Variants in B4GALT6 observed in about 807,000 individuals in gnomAD.
The protein encoded by B4GALT6 is beta-1,4-galactosyltransferase 6, also known as UDP-Gal:beta-GlcNAc beta-1,4-galactosyltransferase 6.
A neutral mutation model predicts 46.3 loss-of-function variants in B4GALT6; 14 were observed. The ratio of observed to expected loss-of-function variants is 0.30; its 90% CI spans 0.20 to 0.47. B4GALT6 has a LOEUF of 0.47. Ranked by LOEUF, B4GALT6 falls within the 20% of genes least tolerant of loss-of-function variation. B4GALT6 has a pLI of 0.99. For missense variants in B4GALT6, 386 were observed against 480.1 expected, an observed-to-expected ratio of 0.80 and a Z score of 1.83; for synonymous variants, 168 against 162.0, an observed-to-expected ratio of 1.04 and a Z score of -0.28.
intron 8 of B4GALT6, 129 bp from the exon 9 acceptor site, chr18:31,625,890 C>A: frequency 1.3e-6 from 1 of 745,850 alleles, no homozygotes; most frequent in Non-Finnish European, 2.0e-6. Flanking sequence ...GGTTCTTGTG[C>A]ATAATTTAAG....
At chr18:31,683,343 G>C (rs1373023941) in intron 1 of B4GALT6, among the ~76,000 whole-genome samples, 3 of 152,126 alleles carry the variant, frequency 2.0e-5, no homozygotes, top group African/African-American at 7.2e-5. Flanking sequence ...TGGCTCAAAC[G>C]ACCACAGTGT....
intron 2 of B4GALT6, 22 bp from the exon 3 acceptor site, chr18:31,658,111 T>C: frequency 7.2e-7 from 1 of 1,389,356 alleles, no homozygotes; most frequent in Non-Finnish European, 9.6e-7. Flanking sequence ...AGAAAAGAGT[T>C]ACAAAAAAAA....
chr18:31,687,534 C>A (rs907942213), upstream of B4GALT6, among the ~76,000 whole-genome samples: 1 of 152,190 alleles, frequency 6.6e-6, no homozygotes, highest in Non-Finnish European at 1.5e-5. Flanking sequence ...GATATTTCCT[C>A]AGGAGCCAAG....
chr18:31,676,678 A>G (rs1230441542), intron 1 of B4GALT6, among the ~76,000 whole-genome samples: 2 of 152,218 alleles, frequency 1.3e-5, no homozygotes, highest in Non-Finnish European at 2.9e-5. Context: ...AAGTAAGATT[A>G]GTTCTATGAA....
intron 6 of B4GALT6, among the ~76,000 whole-genome samples, chr18:31,630,376 T>G: frequency 6.6e-6 from 1 of 152,046 alleles, no homozygotes; most frequent in East Asian, 1.9e-4. Context: ...TGATAACTGT[T>G]CATTTTAAAT....
intron 5 of B4GALT6, among the ~76,000 whole-genome samples, chr18:31,637,512 G>GA (rs11421320): frequency 0.52 from 78,201 of 151,462 alleles, 20,405 homozygotes; most frequent in Middle Eastern, 0.63. Flanking sequence ...AGATGACTTT[G>GA]AAAATGAAAA....
intron 1 of B4GALT6, among the ~76,000 whole-genome samples, chr18:31,668,894 C>G (rs1033781686): frequency 3.3e-5 from 5 of 151,882 alleles, no homozygotes; most frequent in African/African-American, 1.2e-4. Flanking sequence ...GCCTGTAACC[C>G]CAGCTACTCG....
chr18:31,662,755 G>C (rs895397734), intron 2 of B4GALT6, among the ~76,000 whole-genome samples: 11 of 152,086 alleles, frequency 7.2e-5, no homozygotes, highest in Admixed American at 2.6e-4. Flanking sequence ...GCAGGAGAAT[G>C]GCCTGAACCC....
the B4GALT6 span, among the ~76,000 whole-genome samples, chr18:31,710,017 C>T: frequency 6.6e-6 from 1 of 151,634 alleles, no homozygotes; most frequent in South Asian, 2.1e-4. Flanking sequence ...ATTGCTTGAA[C>T]CCGGGAGGCA....
At chr18:31,700,376 T>G in the B4GALT6 span, among the ~76,000 whole-genome samples, 1 of 151,972 alleles carries the variant, frequency 6.6e-6, no homozygotes, top group Admixed American at 6.6e-5. Context: ...CTTCATACTC[T>G]GTGAAAGAGA....
At chr18:31,710,814 CCACA>C in the B4GALT6 span, among the ~76,000 whole-genome samples, 447 of 140,218 alleles carry the variant, frequency 3.2e-3, 3 homozygotes, top group African/African-American at 0.01. Context: ...CCTGAATACA[CCACA>C]CACACACACA....
rs749260872 is a variant in B4GALT6 at position 31,673,939 on chromosome 18, G to GAC, written c.116-7569_116-7568dup. On this transcript the variant is annotated intron_variant, in intron 1 of 8. Coordinates refer to ENST00000306851, the MANE Select transcript of B4GALT6 (RefSeq NM_004775.5). ...ACACTCTCACAGACACACACACACA[G>GAC]ACACACACACACACACGAAGGCAAT... is the stretch of plus-strand genomic sequence containing the variant. 2.0e-3 allele frequency among the ~76,000 whole-genome samples: 303 copies of GAC among 150,630 alleles called. 2 individuals are homozygous for GAC. In the East Asian group the frequency reaches 0.021, roughly 10 times the overall value.
the B4GALT6 span, among the ~76,000 whole-genome samples, chr18:31,693,559 T>C: frequency 6.6e-6 from 1 of 152,182 alleles, no homozygotes; most frequent in Non-Finnish European, 1.5e-5. Context: ...CAAAAGATCC[T>C]AAGTGCAGTA....
chr18:31,633,906 C>CA (rs2073824344), intron 5 of B4GALT6, among the ~76,000 whole-genome samples: 1 of 152,294 alleles, frequency 6.6e-6, no homozygotes, highest in South Asian at 2.1e-4. Flanking sequence ...TCTGGGCCAG[C>CA]AAAAGAAGGG....
intron 1 of B4GALT6, among the ~76,000 whole-genome samples, chr18:31,681,565 C>G (rs1241507666): frequency 2.0e-5 from 3 of 152,118 alleles, no homozygotes; most frequent in Admixed American, 1.3e-4. Flanking sequence ...TGTAGTTGAC[C>G]CAAATAGTCC....
In B4GALT6 at chr18:31,624,286, A is replaced by G. The variant is rs2073657672; in HGVS notation, c.*1328T>C. On this transcript the variant is annotated 3_prime_UTR_variant, in exon 9 of 9. Transcript: ENST00000306851. The stretch of plus-strand genomic sequence containing the variant: ...ATGCTATTAAATTATGCTTTTAGAT[A>G]CTACATATAGAAGACATTATAATAT... 6.6e-6 allele frequency: 1 copy of G among 152,050 alleles called. No individual in the cohort carries two copies. The highest frequency in any genetic ancestry group is 6.5e-5 in the Admixed American group (1 of 15,270). The allele number at this position is 152,050 out of a possible 1,614,324, so 9.4% of individuals were successfully genotyped here.
chr18:31,625,407 G>T lies in B4GALT6; in HGVS notation c.*207C>A. On this transcript the variant is annotated 3_prime_UTR_variant, in exon 9 of 9. Coordinates refer to ENST00000306851, the MANE Select transcript of B4GALT6 (RefSeq NM_004775.5). ...AGTAGTGGCTTCCCGTTTCTGCGGT[G>T]CTCGCCACAGGGGTGTGTCTCAGAG... 2.2e-6 allele frequency: 1 copy of T among 460,104 alleles called. No homozygotes were observed. The highest frequency in any genetic ancestry group is 3.7e-6 in the Non-Finnish European group (1 of 269,042). 28.5% of individuals were successfully genotyped at this position (460,104 alleles called of 1,614,324 possible).
chr18:31,669,267 AT>A (rs1237604864), intron 1 of B4GALT6, among the ~76,000 whole-genome samples: 2 of 152,072 alleles, frequency 1.3e-5, no homozygotes, highest in African/African-American at 4.8e-5. Context: ...TTGATTTTTA[AT>A]TGTTTTCTCC....
upstream of B4GALT6, chr18:31,686,762 G>C (rs2029936827): frequency 6.6e-6 from 1 of 152,206 alleles, no homozygotes; most frequent in Non-Finnish European, 1.5e-5. Flanking sequence ...AGTCATGAAT[G>C]CTGAGGAAGC....
Sources: allele counts gnomAD v4.1 joint callset (sites outside exome capture counted in the v4.1 genomes callset), GRCh38; gene constraint gnomAD v4.1.1; transcripts MANE v1.5; gene names NCBI Gene and HGNC (gene_info 2026-07-23, HGNC 2026-07-21).